The following SYNPO2 variants were observed in gnomAD, a reference collection of about 807,000 sequenced individuals.
SYNPO2 encodes synaptopodin 2, also known as synaptopodin-2.
A neutral mutation model predicts 85.0 loss-of-function variants in SYNPO2; 56 were observed. The ratio of observed to expected loss-of-function variants is 0.66; its 90% CI spans 0.53 to 0.82. SYNPO2 has a LOEUF of 0.82. Ranked by LOEUF, SYNPO2 falls within the 40% of genes least tolerant of loss-of-function variation. The probability of loss-of-function intolerance (pLI) is 0.00; values close to 1 mark genes in which losing one functional copy is unlikely to be tolerated. For missense variants in SYNPO2, 1,575 were observed against 1,534.2 expected, an observed-to-expected ratio of 1.03 and a Z score of -0.44; for synonymous variants, 602 against 591.1, an observed-to-expected ratio of 1.02 and a Z score of -0.27.
At position 119,012,245 on chromosome 4, in the gene SYNPO2, C is replaced by T. The variant is rs1045146890; in HGVS notation, c.106-11185C>T. 4.9e-4 allele frequency among the ~76,000 whole-genome samples: 74 copies of T among 151,998 alleles called. 2 individuals are homozygous for T. The highest frequency in any genetic ancestry group is 1.8e-3 in the African/African-American group (74 of 41,420). On this transcript the variant is annotated intron_variant, in intron 1 of 4. Coordinates refer to ENST00000307142, the MANE Select transcript of SYNPO2 (RefSeq NM_133477.3). ...GCCACCTCTCTATAGACTGAATCTA[C>T]AGAACTGGGCTGAAACTGTTTGCCT...
chr4:119,056,467 G>A (rs1294118375), intron 4 of SYNPO2, among the ~76,000 whole-genome samples: 2 of 152,196 alleles, frequency 1.3e-5, no homozygotes, highest in East Asian at 1.9e-4. Context: ...TGAGGCAGGA[G>A]GATTGCTTGA....
intron 1 of SYNPO2, among the ~76,000 whole-genome samples, chr4:118,966,645 A>G (rs1735327531): frequency 6.6e-6 from 1 of 152,204 alleles, no homozygotes; most frequent in Non-Finnish European, 1.5e-5. Flanking sequence ...TATCATATAT[A>G]TAACATATAT....
At chr4:118,910,423 T>G (rs1733097315) in intron 1 of SYNPO2, among the ~76,000 whole-genome samples, 1 of 152,252 alleles carries the variant, frequency 6.6e-6, no homozygotes, top group African/African-American at 2.4e-5. Flanking sequence ...GGAATTTCCA[T>G]TTTTACAGCT....
chr4:118,886,506 G>C (rs1367493383), upstream of SYNPO2, among the ~76,000 whole-genome samples: 3 of 152,140 alleles, frequency 2.0e-5, no homozygotes, highest in African/African-American at 7.2e-5. Context: ...TGTGGTGTTT[G>C]GTTTACTGTT....
At chr4:118,876,154 C>T (rs1731902226) in intron 1 of SYNPO2, among the ~76,000 whole-genome samples, 1 of 152,136 alleles carries the variant, frequency 6.6e-6, no homozygotes. Context: ...AGTGAGGGTC[C>T]AAGAGGCTCA....
intron 1 of SYNPO2, among the ~76,000 whole-genome samples, chr4:118,872,253 G>T (rs1731816856): frequency 6.6e-6 from 1 of 152,106 alleles, no homozygotes; most frequent in South Asian, 2.1e-4. Context: ...ATAGAAACGG[G>T]AGCATAGGAG....
At chr4:118,993,717 G>T (rs116712494) in intron 1 of SYNPO2, among the ~76,000 whole-genome samples, 59 of 152,238 alleles carry the variant, frequency 3.9e-4, no homozygotes, top group Middle Eastern at 3.4e-3. Flanking sequence ...CTGTTTAACT[G>T]ATTTCAGAGT....
intron 4 of SYNPO2, among the ~76,000 whole-genome samples, chr4:119,054,220 C>T (rs75639819): frequency 0.016 from 2,498 of 152,330 alleles, 75 homozygotes; most frequent in African/African-American, 0.057. Flanking sequence ...GTGCTTGCGA[C>T]CCCAAAGCCC....
At chr4:119,008,642 C>T (rs1737170842) in intron 1 of SYNPO2, among the ~76,000 whole-genome samples, 2 of 152,118 alleles carry the variant, frequency 1.3e-5, no homozygotes, top group African/African-American at 4.8e-5. Flanking sequence ...ACATTACTTA[C>T]ATTTTGTTTT....
chr4:118,987,453 T>C (rs1736259615), intron 1 of SYNPO2, among the ~76,000 whole-genome samples: 1 of 152,158 alleles, frequency 6.6e-6, no homozygotes, highest in Non-Finnish European at 1.5e-5. Flanking sequence ...GAGGATTGCT[T>C]GAGCCCAGAA....
At chr4:118,986,551 A>G (rs1160327344) in intron 1 of SYNPO2, among the ~76,000 whole-genome samples, 1 of 152,226 alleles carries the variant, frequency 6.6e-6, no homozygotes, top group Non-Finnish European at 1.5e-5. Context: ...AAAGGTATCT[A>G]TGAGAACATC....
chr4:118,931,613 A>G (rs1045326476), intron 1 of SYNPO2, among the ~76,000 whole-genome samples: 1 of 152,204 alleles, frequency 6.6e-6, no homozygotes, highest in African/African-American at 2.4e-5. Flanking sequence ...TCTCTGCTGT[A>G]TAGATCAGGA....
intron 1 of SYNPO2, among the ~76,000 whole-genome samples, chr4:118,974,008 G>A (rs181980838): frequency 6.6e-6 from 1 of 152,176 alleles, no homozygotes; most frequent in African/African-American, 2.4e-5. Context: ...AGCTGAGGAC[G>A]CTGACTTAAA....
rs1376310786 is a variant in SYNPO2 at position 119,034,317 on chromosome 4, C to G, written c.3252+2290C>G. The G allele has an allele frequency of 9.2e-6, 9 of 982,278 alleles. No individual in the cohort carries two copies. In the African/African-American group the frequency reaches 1.6e-4, roughly 17 times the overall value. The allele number at this position is 982,278 out of a possible 1,614,324, so 60.8% of individuals were successfully genotyped here. On this transcript the variant is annotated intron_variant, in intron 4 of 4. Coordinates refer to ENST00000307142, the MANE Select transcript of SYNPO2 (RefSeq NM_133477.3). ...CAGGTAGTCGGTTTGAGATCATCGG[C>G]TTAAAAGTATCCTAGGATGGTAATG... is the stretch of plus-strand genomic sequence containing the variant.
chr4:118,973,935 C>T lies in SYNPO2; in HGVS notation c.106-49495C>T, dbSNP rs189892206. 2.9e-4 allele frequency among the ~76,000 whole-genome samples: 44 copies of T among 152,334 alleles called. No individual in the cohort carries two copies. The Middle Eastern group carries it at 0.01, about 35-fold the overall frequency. On this transcript the variant is annotated intron_variant, in intron 1 of 4. Transcript: ENST00000307142. Reference sequence around the variant, plus strand: ...TTAACACAAGTAAATTCTTCATTGACCTGTTTTAAGATTCTTCTTTCTTCA... The same window carrying T: ...TTAACACAAGTAAATTCTTCATTGATCTGTTTTAAGATTCTTCTTTCTTCA...
chr4:119,039,844 C>T (rs1037910383), intron 4 of SYNPO2, among the ~76,000 whole-genome samples: 9 of 152,142 alleles, frequency 5.9e-5, no homozygotes, highest in African/African-American at 2.2e-4. Flanking sequence ...AAAAGGTAAT[C>T]ATGTCTTAAA....
intron 1 of SYNPO2, among the ~76,000 whole-genome samples, chr4:118,863,101 A>T (rs1027871022): frequency 6.6e-6 from 1 of 151,872 alleles, no homozygotes; most frequent in Non-Finnish European, 1.5e-5. Context: ...GAGCCCCTGC[A>T]CCCGGACTTT....
chr4:118,882,688 G>A (rs1422238327), intron 1 of SYNPO2, among the ~76,000 whole-genome samples: 2 of 151,736 alleles, frequency 1.3e-5, no homozygotes, highest in African/African-American at 4.8e-5. Context: ...TCCTAAGAGG[G>A]CTTTAATACA....
intron 1 of SYNPO2, among the ~76,000 whole-genome samples, chr4:118,958,587 A>G (rs1479212297): frequency 6.6e-6 from 1 of 151,572 alleles, no homozygotes; most frequent in Non-Finnish European, 1.5e-5. Context: ...CAACACTGCA[A>G]CCCCTGATCC....
Sources: gnomAD v4.1 joint callset for allele counts (sites outside exome capture counted in the v4.1 genomes callset) on GRCh38, gnomAD v4.1.1 for gene constraint, MANE v1.5 for transcripts, NCBI Gene and HGNC (gene_info 2026-07-23, HGNC 2026-07-21) for gene names.